The following ESRRG variants were observed in gnomAD, a reference collection of about 807,000 sequenced individuals.
ESRRG encodes the protein estrogen related receptor gamma, also known as estrogen-related receptor gamma.
ESRRG carries 13 observed loss-of-function variants against 44.0 expected under a neutral mutation model. The observed-to-expected ratio is 0.30, with a 90% confidence interval of 0.19 to 0.47. The LOEUF (loss-of-function observed/expected upper bound fraction) is 0.47, where lower values mean the gene tolerates loss of function less well. Among genes scored for constraint, ESRRG ranks in the 20% least tolerant of loss-of-function variants. ESRRG has a pLI of 1.00. For missense variants in ESRRG, 395 were observed against 580.6 expected (o/e 0.68, Z 3.29); for synonymous variants, 215 against 214.6 (o/e 1.00, Z -0.02).
At chr1:216,666,841 A>C (rs1256285366) in intron 2 of ESRRG, among the ~76,000 whole-genome samples, 1 of 152,186 alleles carries the variant, frequency 6.6e-6, no homozygotes, top group Non-Finnish European at 1.5e-5. Context: ...CTGGAACATA[A>C]AAACAATACA....
At position 216,885,982 on chromosome 1, in the gene ESRRG, T is replaced by TA. The variant is rs1404481914; in HGVS notation, c.-14+53599_-14+53600insT. 5.4e-4 allele frequency among the ~76,000 whole-genome samples: 82 copies of TA among 151,428 alleles called. 1 individual carries two copies. The East Asian group carries it at 0.01, about 19-fold the overall frequency. On this transcript the variant is annotated intron_variant, in intron 2 of 7. Transcript: ENST00000359162. ...CTGTAACCATCTTCGTCCCTTTTTT[T>TA]TAAAAAAAAAACTCCTTTTCCTCTA...
intron 1 of ESRRG, among the ~76,000 whole-genome samples, chr1:217,055,620 C>T (rs1416171972): frequency 6.6e-6 from 1 of 152,160 alleles, no homozygotes; most frequent in African/African-American, 2.4e-5. Context: ...AGATGTTCCT[C>T]ATAGACAAAG....
chr1:216,649,508 A>G (rs1286450866), intron 3 of ESRRG, among the ~76,000 whole-genome samples: 3 of 144,304 alleles, frequency 2.1e-5, no homozygotes, highest in African/African-American at 7.4e-5. Context: ...ATATATATAC[A>G]TATACACACA....
rs547162262 is a variant in ESRRG, at chr1:216,716,414, A to G, written c.56+6830T>C. On this transcript the variant is annotated intron_variant, in intron 1 of 6. Coordinates refer to ENST00000408911, the MANE Select transcript of ESRRG (RefSeq NM_001438.4). ...ATTGGTAGCTTCCCTTTTATTTAGT[A>G]CCATCTTAGCCAACTGTTTGCAGAA... 2.0e-5 allele frequency among the ~76,000 whole-genome samples: 3 copies of G among 152,080 alleles called. No individual in the cohort carries two copies. The East Asian group carries it at 5.8e-4, about 29-fold the overall frequency.
intron 2 of ESRRG, among the ~76,000 whole-genome samples, chr1:216,882,248 T>TA (rs1471110864): frequency 2.6e-5 from 4 of 152,156 alleles, no homozygotes; most frequent in Non-Finnish European, 5.9e-5. Flanking sequence ...TTCACTTCCT[T>TA]AGATGGTCCA....
intron 3 of ESRRG, among the ~76,000 whole-genome samples, chr1:216,620,720 G>A (rs963093348): frequency 7.2e-5 from 11 of 152,056 alleles, no homozygotes; most frequent in Non-Finnish European, 1.3e-4. Context: ...TTGACCTAGA[G>A]AAAAAATATG....
At chr1:216,681,389 A>C (rs1353040014) in intron 1 of ESRRG, among the ~76,000 whole-genome samples, 1 of 151,960 alleles carries the variant, frequency 6.6e-6, no homozygotes, top group Non-Finnish European at 1.5e-5. Flanking sequence ...GGTGTGCTGC[A>C]CCCATTAACT....
At chr1:217,015,731 A>AATTTTTTT (rs759911532) in intron 1 of ESRRG, among the ~76,000 whole-genome samples, 10,407 of 141,798 alleles carry the variant, frequency 0.073, 548 homozygotes, top group East Asian at 0.16. Context: ...GGGCAGCTAG[A>AATTTTTTT]TTTTTTTTTT....
chr1:216,877,390 T>G (rs905458833), intron 2 of ESRRG, among the ~76,000 whole-genome samples: 14 of 28,368 alleles, frequency 4.9e-4, no homozygotes, highest in Admixed American at 1.1e-3. Flanking sequence ...TTTTTTTTTG[T>G]TTGTTTGTTT....
At chr1:216,597,365 G>A (rs2150090699) in intron 3 of ESRRG, among the ~76,000 whole-genome samples, 1 of 152,244 alleles carries the variant, frequency 6.6e-6, no homozygotes, top group East Asian at 1.9e-4. Context: ...AACTCTTTCT[G>A]GAGAGGTCAA....
intron 3 of ESRRG, among the ~76,000 whole-genome samples, chr1:216,616,337 C>T (rs1265974356): frequency 3.9e-5 from 6 of 152,106 alleles, no homozygotes; most frequent in Admixed American, 1.3e-4. Flanking sequence ...GGGGAATGGG[C>T]GCAGTGACAT....
rs183062193 is a variant in ESRRG, at chr1:216,893,294, G to A, written c.-14+46288C>T. ...GCCAAATACACACAGTTCCTGAATGGAGGGAGCTTACAATTTACTCAACAT... is the reference window on the plus strand; with the variant it reads ...GCCAAATACACACAGTTCCTGAATGAAGGGAGCTTACAATTTACTCAACAT... On this transcript the variant is annotated intron_variant, in intron 2 of 7. Coordinates refer to the ESRRG transcript ENST00000359162. 5.9e-3 allele frequency among the ~76,000 whole-genome samples: 885 copies of A among 150,702 alleles called. 3 individuals carry two copies. Among genetic ancestry groups the A allele is most frequent in the Non-Finnish European group, 8.6e-3 (583 of 67,534 alleles).
At chr1:216,518,468 A>G (rs1389373168) in intron 6 of ESRRG, among the ~76,000 whole-genome samples, 1 of 152,156 alleles carries the variant, frequency 6.6e-6, no homozygotes, top group Non-Finnish European at 1.5e-5. Context: ...TCGGCACGTC[A>G]TTAAGGAGGG....
intron 2 of ESRRG, among the ~76,000 whole-genome samples, chr1:216,901,956 T>A (rs2059129916): frequency 6.6e-6 from 1 of 152,066 alleles, no homozygotes; most frequent in Non-Finnish European, 1.5e-5. Context: ...AGAGATGGAA[T>A]CTCACTAAGT....
In ESRRG at chr1:216,779,427, T is replaced by TA. The variant is rs1559606086; in HGVS notation, c.-13-101937_-13-101936insT. ...ATATTATAAAATAAATATTTATAAA[T>TA]TTATTTATAAAAATAAATATTTATA... On this transcript the variant is annotated intron_variant, in intron 2 of 7. Transcript: ENST00000359162. 2.5e-3 allele frequency among the ~76,000 whole-genome samples: 122 copies of TA among 48,384 alleles called. 3 individuals are homozygous for TA. The highest frequency in any genetic ancestry group is 7.8e-3 in the African/African-American group (71 of 9,134). The allele number at this position is 48,384 out of a possible 152,430, so 31.7% of individuals were successfully genotyped here. A position where few individuals can be genotyped will look rare whatever the true frequency, so the allele number is the denominator to read the frequency against.
intron 1 of ESRRG, among the ~76,000 whole-genome samples, chr1:217,039,771 T>A (rs2083512043): frequency 6.6e-6 from 1 of 152,242 alleles, no homozygotes. Context: ...TTTTACAACC[T>A]TTTGATATGT....
chr1:216,560,776 C>T (rs74539700), intron 5 of ESRRG, among the ~76,000 whole-genome samples: 3 of 152,158 alleles, frequency 2.0e-5, no homozygotes, highest in South Asian at 2.1e-4. Context: ...AGATTAGAGG[C>T]GACAGCGTTC....
chr1:217,030,533 G>A (rs912036413), intron 1 of ESRRG, among the ~76,000 whole-genome samples: 35 of 152,162 alleles, frequency 2.3e-4, no homozygotes, highest in African/African-American at 2.9e-4. Flanking sequence ...TGAGCATACC[G>A]CTTAGCCTTT....
At chr1:216,861,735 A>G (rs1056771497) in intron 2 of ESRRG, among the ~76,000 whole-genome samples, 4 of 152,168 alleles carry the variant, frequency 2.6e-5, no homozygotes, top group African/African-American at 9.6e-5. Flanking sequence ...TTTAAAAGAC[A>G]CTGTTGTGAG....
Sources: gnomAD v4.1 joint callset for allele counts (sites outside exome capture counted in the v4.1 genomes callset) on GRCh38, gnomAD v4.1.1 for gene constraint, MANE v1.5 for transcripts, NCBI Gene and HGNC (gene_info 2026-07-23, HGNC 2026-07-21) for gene names.